The following HLA-DQA1 variants were observed in gnomAD, a reference collection of about 807,000 sequenced individuals.
HLA-DQA1 encodes major histocompatibility complex, class II, DQ alpha 1.
HLA-DQA1 carries 10 observed loss-of-function variants against 20.7 expected under a neutral mutation model. The observed-to-expected ratio is 0.48, with a 90% confidence interval of 0.30 to 0.82. The LOEUF (loss-of-function observed/expected upper bound fraction) is 0.82, where lower values mean the gene tolerates loss of function less well. Among genes scored for constraint, HLA-DQA1 ranks in the 40% least tolerant of loss-of-function variants. The probability of loss-of-function intolerance (pLI) is 0.07; values close to 1 mark genes in which losing one functional copy is unlikely to be tolerated. For synonymous variants in HLA-DQA1, 39 were observed against 109.2 expected (o/e 0.36, Z 4.01); for missense variants, 127 against 293.0 (o/e 0.43, Z 4.14).
intron 1 of HLA-DQA1, chr6:32,639,193 G>A (rs9272550): frequency 1.5e-4 from 26 of 172,328 alleles, no homozygotes; most frequent in Admixed American, 3.8e-4. Context: ...AATGTGGGCA[G>A]TGCAGGGGAC....
In HLA-DQA1 at chr6:32,637,775, G is replaced by C. The variant is rs116707510; in HGVS notation, c.82+235G>C. ...CTATTCTGTTTATATTATATTCAGTGACTACGGCCTGGAGGTCTCTATGTC... is the reference window on the plus strand; with the variant it reads ...CTATTCTGTTTATATTATATTCAGTCACTACGGCCTGGAGGTCTCTATGTC... On this transcript the variant is annotated intron_variant, in intron 1 of 4. Coordinates refer to ENST00000343139, the MANE Select transcript of HLA-DQA1 (RefSeq NM_002122.5). Among the ~76,000 whole-genome samples the C allele has an allele frequency of 7.5e-4, 81 of 108,520 alleles. 2 individuals carry two copies. The highest frequency in any genetic ancestry group is 1.5e-3 in the Admixed American group (14 of 9,340). 71.2% of individuals were successfully genotyped at this position (108,520 alleles called of 152,430 possible). A position where few individuals can be genotyped will look rare whatever the true frequency, so the allele number is the denominator to read the frequency against.
At chr6:32,644,794 T>A (rs1187061331), downstream of HLA-DQA1, 7 of 120,406 alleles carry the variant, frequency 5.8e-5, 2 homozygotes, top group Admixed American at 2.7e-4. Flanking sequence ...GAAGTTGTAA[T>A]ATTTGACTTT....
At position 32,637,749 on chromosome 6, in the gene HLA-DQA1, G is replaced by A. The variant is rs1780993083; in HGVS notation, c.82+209G>A. Among the ~76,000 whole-genome samples, 2 of 109,562 alleles carry A rather than the reference G, an allele frequency of 1.8e-5. 1 individual carries two copies. The highest frequency in any genetic ancestry group is 4.0e-5 in the Non-Finnish European group (2 of 49,992). 71.9% of individuals were successfully genotyped at this position (109,562 alleles called of 152,430 possible). A position where few individuals can be genotyped will look rare whatever the true frequency, so the allele number is the denominator to read the frequency against. On this transcript the variant is annotated intron_variant, in intron 1 of 4. Transcript: ENST00000343139. ...CTATGCTGTTGTGTTCACTAAGGAC[G>A]CTATTCTGTTTATATTATATTCAGT...
chr6:32,648,018 G>C (rs1329343221), downstream of HLA-DQA1, among the ~76,000 whole-genome samples: 1 of 34,188 alleles, frequency 2.9e-5, no homozygotes, highest in Non-Finnish European at 7.2e-5. Flanking sequence ...AAAAGAATGA[G>C]GTAAAACGAG....
rs1048381 is a variant in HLA-DQA1, at chr6:32,642,668, G to A, written c.672G>A (p.Gly224=). ...ELTETVVCAL[G]LSVGLMGIVV... is the part of the protein sequence containing the mutation. ...CAGAGACTGTGGTCTGTGCCCTGGG[G>A]TTGTCTGTGGGCCTCATGGGCATTG... Residue 224 remains glycine, a synonymous_variant, in exon 4 of 5, where the codon GGG becomes GGA. Coordinates refer to ENST00000343139, the MANE Select transcript of HLA-DQA1 (RefSeq NM_002122.5). The A allele has an allele frequency of 0.02, 24,655 of 1,220,146 alleles. 4,156 individuals are homozygous for A. Among genetic ancestry groups the A allele is most frequent in the Admixed American group, 0.13 (6,077 of 45,156 alleles). The allele number at this position is 1,220,146 out of a possible 1,614,324, so 75.6% of individuals were successfully genotyped here. A position where few individuals can be genotyped will look rare whatever the true frequency, so the allele number is the denominator to read the frequency against.
intron 3 of HLA-DQA1, 32 bp from the exon 4 acceptor site, chr6:32,642,578 G>C: frequency 7.2e-7 from 1 of 1,396,092 alleles, no homozygotes; most frequent in Non-Finnish European, 9.9e-7. Context: ...AGCACACTCT[G>C]CATTCTGACC....
rs1404144228 is a variant in HLA-DQA1, at chr6:32,638,100, GT to G, written c.82+561del. 2.3e-5 allele frequency among the ~76,000 whole-genome samples: 3 copies of G among 131,816 alleles called. No homozygotes were observed. The East Asian group carries it at 6.4e-4, about 28-fold the overall frequency. 86.5% of individuals were successfully genotyped at this position (131,816 alleles called of 152,430 possible). A position where few individuals can be genotyped will look rare whatever the true frequency, so the allele number is the denominator to read the frequency against. On this transcript the variant is annotated intron_variant, in intron 1 of 4. Transcript: ENST00000343139. ...CCTTCAACAATCATTTTACCACATG[GT>G]CCTCACTTACTCTCAGCTGCCTCAT... is the stretch of plus-strand genomic sequence containing the variant.
At chr6:32,654,124 C>T in the HLA-DQA1 span, among the ~76,000 whole-genome samples, 3 of 71,386 alleles carry the variant, frequency 4.2e-5, 1 homozygote, top group Non-Finnish European at 9.8e-5. Context: ...GGACAGCATG[C>T]TGAAACTCTG....
downstream of HLA-DQA1, chr6:32,646,088 T>C (rs1200364042): frequency 9.9e-6 from 1 of 100,516 alleles, no homozygotes; most frequent in East Asian, 3.1e-4. Context: ...TTCTAAAAAA[T>C]AAGAGTAAAT....
At chr6:32,640,082 C>T (rs9272614) in intron 1 of HLA-DQA1, among the ~76,000 whole-genome samples, 7,874 of 88,024 alleles carry the variant, frequency 0.089, 1,270 homozygotes, top group East Asian at 0.19. Context: ...AAAGATAATT[C>T]CATTTCAGGG....
At chr6:32,652,478 T>C in the HLA-DQA1 span, among the ~76,000 whole-genome samples, 39,461 of 146,462 alleles carry the variant, frequency 0.27, 6,368 homozygotes, top group East Asian at 0.35. Flanking sequence ...CTGAATTTAA[T>C]GCAGGACCTC....
chr6:32,647,261 A>G (rs946115915), downstream of HLA-DQA1, among the ~76,000 whole-genome samples: 8 of 98,080 alleles, frequency 8.2e-5, 4 homozygotes, highest in Admixed American at 5.0e-4. Flanking sequence ...TGAGGTCAGG[A>G]GTTCGAGACC....
chr6:32,653,797 G>T, the HLA-DQA1 span, among the ~76,000 whole-genome samples: 2 of 100,648 alleles, frequency 2.0e-5, no homozygotes, highest in East Asian at 6.3e-4. Context: ...ATACACAATG[G>T]AATACTATTC....
chr6:32,652,279 C>CAAA, the HLA-DQA1 span, among the ~76,000 whole-genome samples: 177 of 41,296 alleles, frequency 4.3e-3, 36 homozygotes, highest in Non-Finnish European at 7.1e-3. Context: ...GACTCCATCT[C>CAAA]AAAAAAAAAA....
chr6:32,645,160 T>C (rs1369639476), downstream of HLA-DQA1: 1 of 151,512 alleles, frequency 6.6e-6, no homozygotes, highest in Non-Finnish European at 1.5e-5. Flanking sequence ...GTGATAATGA[T>C]GTGCCAATGT....
At chr6:32,640,375 T>C (rs9272631) in intron 1 of HLA-DQA1, among the ~76,000 whole-genome samples, 3,548 of 83,146 alleles carry the variant, frequency 0.043, 295 homozygotes, top group Middle Eastern at 0.088. Flanking sequence ...AAAGATACGA[T>C]GGTAAAAGGC....
At chr6:32,647,054 T>C (rs187166194), downstream of HLA-DQA1, 36 of 152,050 alleles carry the variant, frequency 2.4e-4, no homozygotes, top group Admixed American at 3.9e-4. Context: ...AATAAAATAA[T>C]TATGAATGAA....
At position 32,643,134 on chromosome 6, in the gene HLA-DQA1, C is replaced by T. The variant is rs1424712368; in HGVS notation, c.*203C>T. The stretch of plus-strand genomic sequence containing the variant: ...GCCTTTACATTCTTTCCCTGACCTC[C>T]TGATTTTTTTTTTCTTTTCTCAAAT... On this transcript the variant is annotated 3_prime_UTR_variant, in exon 5 of 5. Coordinates refer to ENST00000343139, the MANE Select transcript of HLA-DQA1 (RefSeq NM_002122.5). 3.0e-6 allele frequency: 1 copy of T among 329,420 alleles called. No individual in the cohort carries two copies. The highest frequency in any genetic ancestry group is 5.9e-6 in the Non-Finnish European group (1 of 169,354). 20.4% of individuals were successfully genotyped at this position (329,420 alleles called of 1,614,324 possible). A position where few individuals can be genotyped will look rare whatever the true frequency, so the allele number is the denominator to read the frequency against.
chr6:32,648,430 A>T (rs1782071378), downstream of HLA-DQA1, among the ~76,000 whole-genome samples: 1 of 96,770 alleles, frequency 1.0e-5, no homozygotes, highest in African/African-American at 3.6e-5. Flanking sequence ...AAGCTTATCC[A>T]CCACGATCAA....
Sources: gnomAD v4.1 joint callset for allele counts (sites outside exome capture counted in the v4.1 genomes callset) on GRCh38, gnomAD v4.1.1 for gene constraint, MANE v1.5 for transcripts, NCBI Gene and HGNC (gene_info 2026-07-23, HGNC 2026-07-21) for gene names.